OR52N5: variants seen among roughly 807,000 people sequenced by gnomAD.
OR52N5 encodes the protein olfactory receptor family 52 subfamily N member 5, also known as olfactory receptor 52N5.
A neutral mutation model predicts 14.1 loss-of-function variants in OR52N5; 10 were observed. The observed-to-expected ratio is 0.71, with a 90% CI of 0.44 to 1.20. The LOEUF (loss-of-function observed/expected upper bound fraction) is 1.20. Ranked by LOEUF, OR52N5 falls within the 50% of genes most tolerant of loss-of-function variation. OR52N5 has a pLI of 0.00. For synonymous variants in OR52N5, 116 were observed against 143.0 expected, an observed-to-expected ratio of 0.81 and a Z score of 1.35; for missense variants, 361 against 403.2, an observed-to-expected ratio of 0.90 and a Z score of 0.90.
In OR52N5 at chr11:5,778,051, T is replaced by C; in HGVS notation, c.584A>G (p.Lys195Arg). The C allele has an allele frequency of 2.6e-6, 4 of 1,521,068 alleles. 1 individual carries two copies. Among genetic ancestry groups the C allele is most frequent in the Non-Finnish European group, 3.6e-6 (4 of 1,114,050 alleles). The allele number at this position is 1,521,068 out of a possible 1,614,324, so 94.2% of individuals were successfully genotyped here. The part of the protein sequence containing the change: ...HTYCDHMSVV[K>R]LSCASIKVNV... ...GACCTTGATGCTGGCACAAGATAGC[T>C]TTACTACAGACATGTGGTCGCAGTA... The change falls in exon 3 of 3, where the codon AAG becomes AGG. Residue 195 changes from lysine to arginine, a missense_variant. Transcript: ENST00000641181.
chr11:5,777,741 G>A lies in OR52N5; in HGVS notation c.894C>T (p.Asn298=), dbSNP rs747587083. The A allele has an allele frequency of 9.2e-6, 14 of 1,517,170 alleles. 3 individuals carry two copies. Among genetic ancestry groups the A allele is most frequent in the Admixed American group, 1.8e-5 (1 of 55,400 alleles). The allele number at this position is 1,517,170 out of a possible 1,614,324, so 94.0% of individuals were successfully genotyped here. ...NLYLLLPPTL[N]PIVYGVKTKQ... is the part of the protein sequence containing the mutation. Reference sequence around the variant, plus strand: ...TTGTCTTTACTCCATAAACAATAGGGTTTAGAGTTGGGGGAAGAAGAAGAT... The same window carrying A: ...TTGTCTTTACTCCATAAACAATAGGATTTAGAGTTGGGGGAAGAAGAAGAT... Residue 298 remains asparagine, a synonymous_variant, in exon 3 of 3, where the codon AAC becomes AAT. Coordinates refer to ENST00000641181, the MANE Select transcript of OR52N5 (RefSeq NM_001385662.1).
At position 5,777,677 on chromosome 11, in the gene OR52N5, C is replaced by A; in HGVS notation, c.958G>T (p.Asp320Tyr). Residue 320 changes from aspartate (D) to tyrosine (Y), a missense_variant, in exon 3 of 3, where the codon GAT becomes TAT. Coordinates refer to ENST00000641181, the MANE Select transcript of OR52N5 (RefSeq NM_001385662.1). Reference protein sequence around the residue: ...RKSVIKFFQGDKGAG With the variant: ...RKSVIKFFQGYKGAG ...GCCTTGAATCAACCTGCACCCTTATCACCCTGGAAGAACTTTATGACACTC... is the reference window on the plus strand; with the variant it reads ...GCCTTGAATCAACCTGCACCCTTATAACCCTGGAAGAACTTTATGACACTC... 1 of 1,478,682 alleles carries A rather than the reference C, an allele frequency of 6.8e-7. No homozygotes were observed. Among genetic ancestry groups the A allele is most frequent in the South Asian group, 1.3e-5 (1 of 78,154 alleles). The allele number at this position is 1,478,682 out of a possible 1,614,324, so 91.6% of individuals were successfully genotyped here.
rs150106156 is a variant in OR52N5 at position 5,778,042 on chromosome 11, C to T, written c.593G>A (p.Cys198Tyr). The change falls in exon 3 of 3, where the codon TGT becomes TAT. Residue 198 changes from cysteine to tyrosine, a missense_variant. Physicochemically the swap from Cys to Tyr is radical, Grantham distance 194. Transcript: ENST00000641181. ...GATTACATTGACCTTGATGCTGGCA[C>T]AAGATAGCTTTACTACAGACATGTG... ...CDHMSVVKLS[C>Y]ASIKVNVIYG... 2 of 1,521,348 alleles carry T rather than the reference C, an allele frequency of 1.3e-6. No individual in the cohort carries two copies. Among genetic ancestry groups the T allele is most frequent in the East Asian group, 2.3e-5 (1 of 42,880 alleles). 94.2% of individuals were successfully genotyped at this position (1,521,348 alleles called of 1,614,324 possible).
chr11:5,781,336 G>A (rs1854547719), intron 2 of OR52N5, among the ~76,000 whole-genome samples, 197 bp downstream of exon 2: 1 of 140,036 alleles, frequency 7.1e-6, no homozygotes, highest in South Asian at 2.3e-4. Flanking sequence ...CAGTCATTGT[G>A]AAGGTAAATA....
intron 2 of OR52N5, among the ~76,000 whole-genome samples, chr11:5,779,879 A>G (rs771545816): frequency 2.9e-5 from 4 of 139,220 alleles, no homozygotes; most frequent in Non-Finnish European, 6.4e-5. Flanking sequence ...ATTCATTTAC[A>G]GCTCAAAGGG....
At position 5,777,602 on chromosome 11, in the gene OR52N5, G is replaced by A; in HGVS notation, c.*58C>T. ...AATAAATGTAAAATATCACACGTAA[G>A]TTTATTCTTTGTTATTTTTCATTTA... is the stretch of plus-strand genomic sequence containing the variant. On this transcript the variant is annotated 3_prime_UTR_variant, in exon 3 of 3. Transcript: ENST00000641181. 8.3e-7 allele frequency: 1 copy of A among 1,203,860 alleles called. No individual in the cohort carries two copies. Among genetic ancestry groups the A allele is most frequent in the Non-Finnish European group, 1.1e-6 (1 of 874,052 alleles). 74.6% of individuals were successfully genotyped at this position (1,203,860 alleles called of 1,614,324 possible). A position where few individuals can be genotyped will look rare whatever the true frequency, so the allele number is the denominator to read the frequency against.
At chr11:5,782,465 C>T (rs1854556754) in intron 1 of OR52N5, among the ~76,000 whole-genome samples, 1 of 140,112 alleles carries the variant, frequency 7.1e-6, no homozygotes, top group African/African-American at 2.6e-5. Context: ...TAATCACACT[C>T]TTATAATGCA....
At chr11:5,782,096 TC>T (rs1854551945) in intron 1 of OR52N5, among the ~76,000 whole-genome samples, 1 of 140,440 alleles carries the variant, frequency 7.1e-6, no homozygotes, top group Non-Finnish European at 1.6e-5. Flanking sequence ...TAAAATGTTT[TC>T]CCAGAAATGT....
intron 1 of OR52N5, among the ~76,000 whole-genome samples, chr11:5,782,841 T>G (rs757374484): frequency 1.4e-5 from 2 of 138,984 alleles, no homozygotes; most frequent in Non-Finnish European, 3.2e-5. Context: ...GGAGTTGTAT[T>G]GACTGACTCC....
chr11:5,778,284 T>C lies in OR52N5; in HGVS notation c.351A>G (p.Thr117=). ...GCATGAGCACCCCAGACTCCACACC[T>C]GTGAACCCATGAACAAAGAACATCT... ...LAQMFFVHGF[T]GVESGVLMLM... Residue 117 remains threonine, a synonymous_variant, in exon 3 of 3, where the codon ACA becomes ACG. Coordinates refer to ENST00000641181, the MANE Select transcript of OR52N5 (RefSeq NM_001385662.1). 3 of 1,521,138 alleles carry C rather than the reference T, an allele frequency of 2.0e-6. 1 individual carries two copies. The highest frequency in any genetic ancestry group is 2.3e-5 in the South Asian group (2 of 85,850). The allele number at this position is 1,521,138 out of a possible 1,614,324, so 94.2% of individuals were successfully genotyped here.
Position 5,777,944 on chromosome 11 carries a change from G to C in OR52N5, c.691C>G (p.Leu231Val), listed in dbSNP as rs146737855. 6 of 1,521,002 alleles carry C rather than the reference G, an allele frequency of 3.9e-6. 2 individuals carry two copies. The highest frequency in any genetic ancestry group is 5.4e-6 in the Non-Finnish European group (6 of 1,114,240). The allele number at this position is 1,521,002 out of a possible 1,614,324, so 94.2% of individuals were successfully genotyped here. Residue 231 changes from leucine to valine, a missense_variant, in exon 3 of 3, where the codon CTC (leucine) becomes GTC (valine). By Grantham distance (32) the Leu-to-Val change is conservative. Transcript: ENST00000641181. The part of the protein sequence containing the change: ...CCISLSYTLI[L>V]KAAISLSSSD... ...GAAGAGAGGCTGATCGCTGCCTTGA[G>C]GATCAAAGTGTAAGACAAAGATATA... is the stretch of plus-strand genomic sequence containing the variant.
At chr11:5,778,731 ATTAAG>A (rs1854524978) in intron 2 of OR52N5, 74 bp from the exon 3 acceptor site, 1 of 847,060 alleles carries the variant, frequency 1.2e-6, no homozygotes, top group South Asian at 1.9e-5. Flanking sequence ...TTAGAATAAA[ATTAAG>A]TTTATAATGG....
rs149998822 is a variant in OR52N5 at position 5,777,817 on chromosome 11, A to C, written c.818T>G (p.Phe273Cys). The change falls in exon 3 of 3, where the codon TTT (phenylalanine) becomes TGT (cysteine). Residue 273 changes from phenylalanine to cysteine, a missense_variant. Phe to Cys is a radical substitution (Grantham distance 205). Coordinates refer to ENST00000641181, the MANE Select transcript of OR52N5 (RefSeq NM_001385662.1). ...PAFFTFFAHRFGGHTIPPSLH... is the reference protein window; with the variant it reads ...PAFFTFFAHRCGGHTIPPSLH... The stretch of plus-strand genomic sequence containing the variant: ...AGAAGGGGGAATTGTGTGTCCCCCA[A>C]AACGGTGGGCAAAGAAAGTGAAGAA... 3.3e-5 allele frequency: 50 copies of C among 1,520,702 alleles called. 10 individuals are homozygous for C. The highest frequency in any genetic ancestry group is 4.2e-5 in the Non-Finnish European group (47 of 1,114,308). 94.2% of individuals were successfully genotyped at this position (1,520,702 alleles called of 1,614,324 possible).
Position 5,778,497 on chromosome 11 carries a change from G to C in OR52N5, c.138C>G (p.Phe46Leu), listed in dbSNP as rs768134261. 2 of 1,517,974 alleles carry C rather than the reference G, an allele frequency of 1.3e-6. 1 individual carries two copies. The highest frequency in any genetic ancestry group is 2.9e-5 in the African/African-American group (2 of 69,740). The allele number at this position is 1,517,974 out of a possible 1,614,324, so 94.0% of individuals were successfully genotyped here. Residue 46 changes from phenylalanine (F) to leucine (L), a missense_variant, in exon 3 of 3, where the codon TTC becomes TTG. Physicochemically the swap from Phe to Leu is conservative, Grantham distance 22. Transcript: ENST00000641181. Reference protein sequence around the residue: ...SLPLCTMYIIFLVGNLGLVYL... With the variant: ...SLPLCTMYIILLVGNLGLVYL... ...ACACAAGACCAAGATTCCCCACAAG[G>C]AAGATGATGTACATTGTGCAGAGTG...
At position 5,777,906 on chromosome 11, in the gene OR52N5, C is replaced by T; in HGVS notation, c.729G>A (p.Arg243=). 2 of 1,521,068 alleles carry T rather than the reference C, an allele frequency of 1.3e-6. 1 individual carries two copies. Among genetic ancestry groups the T allele is most frequent in the Non-Finnish European group, 1.8e-6 (2 of 1,114,578 alleles). 94.2% of individuals were successfully genotyped at this position (1,521,068 alleles called of 1,614,324 possible). ...AAISLSSSDA[R]QKAFSTCTAH... is the part of the protein sequence containing the mutation. ...CAGTGCAGGTGCTGAAAGCCTTCTG[C>T]CGAGCATCTGATGAAGAGAGGCTGA... The change falls in exon 3 of 3, where the codon CGG becomes CGA. Residue 243 remains arginine, a synonymous_variant. Coordinates refer to ENST00000641181, the MANE Select transcript of OR52N5 (RefSeq NM_001385662.1).
In OR52N5 at chr11:5,782,362, G is replaced by A. The variant is rs547035933; in HGVS notation, c.-247-606C>T. ...TATCAACTCCAATATTTATCCACAC[G>A]ACTAGACAAAAAAAAGTAATAGTAG... is the stretch of plus-strand genomic sequence containing the variant. On this transcript the variant is annotated intron_variant, in intron 1 of 2. Transcript: ENST00000641181. Among the ~76,000 whole-genome samples the A allele has an allele frequency of 1.4e-5, 2 of 139,164 alleles. 1 individual carries two copies. Among genetic ancestry groups the A allele is most frequent in the South Asian group, 4.7e-4 (2 of 4,248 alleles). The allele number at this position is 139,164 out of a possible 152,430, so 91.3% of individuals were successfully genotyped here.
chr11:5,780,975 C>T (rs963743851), intron 2 of OR52N5, among the ~76,000 whole-genome samples: 1 of 140,234 alleles, frequency 7.1e-6, no homozygotes, highest in Non-Finnish European at 1.6e-5. Flanking sequence ...TTGAAGAAGA[C>T]TGTGGTTTCC....
At position 5,777,661 on chromosome 11, in the gene OR52N5, C is replaced by T; in HGVS notation, c.974G>A (p.Ter325=). 11 of 1,435,138 alleles carry T rather than the reference C, an allele frequency of 7.7e-6. 2 individuals are homozygous for T. Among genetic ancestry groups the T allele is most frequent in the Non-Finnish European group, 1.0e-5 (11 of 1,071,130 alleles). The allele number at this position is 1,435,138 out of a possible 1,614,324, so 88.9% of individuals were successfully genotyped here. A position where few individuals can be genotyped will look rare whatever the true frequency, so the allele number is the denominator to read the frequency against. The stretch of plus-strand genomic sequence containing the variant: ...CCATCTGAATTAAGTTGCCTTGAAT[C>T]AACCTGCACCCTTATCACCCTGGAA... ...KFFQGDKGAG[*] The change falls in exon 3 of 3, where the codon TGA becomes TAA. Residue 325 remains the stop codon, a stop_retained_variant. Transcript: ENST00000641181.
rs929315403 is a variant in OR52N5 at position 5,778,923 on chromosome 11, G to T, written c.-23-266C>A. On this transcript the variant is annotated intron_variant, in intron 2 of 2. Transcript: ENST00000641181. ...GTAGAAACTGGGGCGCAGAAAGATT[G>T]AATAATATTAAATGTCACACAACTA... is the stretch of plus-strand genomic sequence containing the variant. Among the ~76,000 whole-genome samples, 11 of 139,436 alleles carry T rather than the reference G, an allele frequency of 7.9e-5. 2 individuals carry two copies. The highest frequency in any genetic ancestry group is 2.9e-4 in the African/African-American group (11 of 38,018). 91.5% of individuals were successfully genotyped at this position (139,436 alleles called of 152,430 possible).
Sources: gnomAD v4.1 joint callset for allele counts (sites outside exome capture counted in the v4.1 genomes callset) on GRCh38, gnomAD v4.1.1 for gene constraint, MANE v1.5 for transcripts, NCBI Gene and HGNC (gene_info 2026-07-23, HGNC 2026-07-21) for gene names.